NCAPH2: variants seen among roughly 807,000 people sequenced by gnomAD.
NCAPH2 encodes the protein condensin-2 complex subunit H2.
NCAPH2 carries 56 observed loss-of-function variants against 88.6 expected under a neutral mutation model. The observed-to-expected ratio is 0.63, with a 90% CI of 0.51 to 0.79. The LOEUF (loss-of-function observed/expected upper bound fraction) is 0.79. Ranked by LOEUF, NCAPH2 falls within the 30% of genes least tolerant of loss-of-function variation. The pLI is 0.00. For synonymous variants in NCAPH2, 378 were observed against 313.6 expected (o/e 1.21, Z -2.17); for missense variants, 794 against 792.0 (o/e 1.00, Z -0.03).
intron 16 of NCAPH2, 41 bp from the exon 17 acceptor site, chr22:50,522,630 G>A (rs376646705): frequency 1.2e-5 from 19 of 1,613,406 alleles, no homozygotes; most frequent in Admixed American, 5.0e-5. Flanking sequence ...AGGGGAGAGC[G>A]TGGCCCCTTA....
Position 50,517,817 on chromosome 22 carries a change from C to T in NCAPH2, c.420+8C>T. 6.2e-7 allele frequency: 1 copy of T among 1,613,660 alleles called. No individual in the cohort carries two copies. ...AATGATCAGACGCCCAGTGTGAGTCCTGGCCTGGCCCCTCTTAGGCTGGGG... is the reference window on the plus strand; with the variant it reads ...AATGATCAGACGCCCAGTGTGAGTCTTGGCCTGGCCCCTCTTAGGCTGGGG... On this transcript the variant is annotated splice_region_variant and intron_variant, in intron 5 of 19. Coordinates refer to ENST00000420993, the MANE Select transcript of NCAPH2 (RefSeq NM_152299.4).
Position 50,522,364 on chromosome 22 carries a change from C to A in NCAPH2, c.1255C>A (p.Pro419Thr), listed in dbSNP as rs1481953442. Residue 419 changes from proline (P) to threonine (T), a missense_variant, in exon 15 of 20, where the codon CCT becomes ACT. Around this residue, in one of 2 missense-constraint regions of NCAPH2, gnomAD observed 735 missense variants for 696.3 expected, o/e 1.06. Transcript: ENST00000420993. The part of the protein sequence containing the change: ...RREVAEQWLR[P>T]AEEDHLEDSL... ...ACAGGTGGCTGAGCAGTGGCTGCGG[C>A]CTGCAGAGGAGGACCACCTGGAGGA... 6.2e-7 allele frequency: 1 copy of A among 1,606,778 alleles called. No homozygotes were observed. Among genetic ancestry groups the A allele is most frequent in the African/African-American group, 1.3e-5 (1 of 74,940 alleles).
chr22:50,514,087 A>G (rs936875184), intron 1 of NCAPH2, among the ~76,000 whole-genome samples: 5 of 152,158 alleles, frequency 3.3e-5, no homozygotes, highest in Admixed American at 6.5e-5. Flanking sequence ...AGCTTGGGTG[A>G]CAGAGTGAGA....
At position 50,521,816 on chromosome 22, in the gene NCAPH2, T is replaced by C. The variant is rs753995253; in HGVS notation, c.1076T>C (p.Leu359Pro). Residue 359 changes from leucine (L) to proline (P), a missense_variant, in exon 12 of 20, where the codon CTG becomes CCG. This residue lies in a region of NCAPH2 where 735 missense variants were observed against 696.3 expected (regional missense o/e 1.06). Coordinates refer to ENST00000420993, the MANE Select transcript of NCAPH2 (RefSeq NM_152299.4). ...CGCAAGAGGAAGGGCGCTGCCAAGC[T>C]GCAGGACTTCCACCAGTGGTACCTG... ...QKRKRKGAAK[L>P]QDFHQWYLAA... is the part of the protein sequence containing the mutation. 4.9e-5 allele frequency: 79 copies of C among 1,613,832 alleles called. 1 individual carries two copies. In the Admixed American group the frequency reaches 1.1e-3, roughly 22 times the overall value.
chr22:50,508,913 G>C (rs1016190008), intron 1 of NCAPH2, among the ~76,000 whole-genome samples: 1 of 152,126 alleles, frequency 6.6e-6, no homozygotes, highest in African/African-American at 2.4e-5. Context: ...GCCCTGTCTA[G>C]ACCTGTGTTA....
At position 50,523,671 on chromosome 22, in the gene NCAPH2, A is replaced by T. The variant is rs199845793; in HGVS notation, c.*296A>T. On this transcript the variant is annotated 3_prime_UTR_variant, in exon 20 of 20. Coordinates refer to ENST00000420993, the MANE Select transcript of NCAPH2 (RefSeq NM_152299.4). ...GCCGCACACTGTCTGAGATCTGCTCAGCCGATCTGCTCCGGCCGTAGTAAT... is the reference window on the plus strand; with the variant it reads ...GCCGCACACTGTCTGAGATCTGCTCTGCCGATCTGCTCCGGCCGTAGTAAT... The T allele has an allele frequency of 6.2e-7, 1 of 1,613,948 alleles. No individual in the cohort carries two copies. Among genetic ancestry groups the T allele is most frequent in the Non-Finnish European group, 8.5e-7 (1 of 1,180,038 alleles).
rs200523135 is a variant in NCAPH2, at chr22:50,523,185, G to C, written c.1677+19G>C. 6 of 1,613,590 alleles carry C rather than the reference G, an allele frequency of 3.7e-6. No homozygotes were observed. The East Asian group carries it at 6.7e-5, about 18-fold the overall frequency. On this transcript the variant is annotated intron_variant, in intron 19 of 19. Transcript: ENST00000420993. ...GCAGCTGGTGAGTAGCCTGGGATAC[G>C]TGGGAGGGGGAGACGGTCCCCAGAC...
chr22:50,509,104 A>AT (rs111866793), intron 1 of NCAPH2, among the ~76,000 whole-genome samples: 5 of 151,920 alleles, frequency 3.3e-5, no homozygotes, highest in Non-Finnish European at 5.9e-5. Flanking sequence ...TGGTGGTAGG[A>AT]TTTTTTTTCC....
Position 50,517,819 on chromosome 22 carries a change from G to T in NCAPH2, c.420+10G>T. The T allele has an allele frequency of 3.1e-6, 5 of 1,613,658 alleles. No individual in the cohort carries two copies. The highest frequency in any genetic ancestry group is 2.2e-5 in the East Asian group (1 of 44,868). ...TGATCAGACGCCCAGTGTGAGTCCT[G>T]GCCTGGCCCCTCTTAGGCTGGGGTG... On this transcript the variant is annotated intron_variant, in intron 5 of 19. Transcript: ENST00000420993.
At position 50,521,603 on chromosome 22, in the gene NCAPH2, A is replaced by C; in HGVS notation, c.994A>C (p.Lys332Gln). The C allele has an allele frequency of 6.2e-7, 1 of 1,613,594 alleles. No individual in the cohort carries two copies. Among genetic ancestry groups the C allele is most frequent in the South Asian group, 1.1e-5 (1 of 91,080 alleles). ...PFDSLESKPF[K>Q]KGRPYSVPPC... ...TGACTCCTTGGAGTCTAAGCCCTTC[A>C]AGAAAGGTAATTGGGTGGAAGGTAC... The change falls in exon 11 of 20, where the codon AAG becomes CAG. Residue 332 changes from lysine to glutamine, a missense_variant. Lys to Gln is a moderately conservative substitution (Grantham distance 53). Coordinates refer to ENST00000420993, the MANE Select transcript of NCAPH2 (RefSeq NM_152299.4).
At chr22:50,511,452 G>T (rs2148656077) in intron 1 of NCAPH2, among the ~76,000 whole-genome samples, 1 of 143,254 alleles carries the variant, frequency 7.0e-6, no homozygotes, top group East Asian at 2.0e-4. Flanking sequence ...ACCACGCCCG[G>T]CTAATTTTTT....
rs777327176 is a variant in NCAPH2 at position 50,523,709 on chromosome 22, C to T, written c.*334C>T. ...CGGCCGTAGTAATCCGTGAAGAGGC[C>T]GTCAGGGTTGAGCAGGTAGATGGCA... is the stretch of plus-strand genomic sequence containing the variant. On this transcript the variant is annotated 3_prime_UTR_variant, in exon 20 of 20. Coordinates refer to ENST00000420993, the MANE Select transcript of NCAPH2 (RefSeq NM_152299.4). The T allele has an allele frequency of 1.4e-5, 23 of 1,614,062 alleles. No individual in the cohort carries two copies. The highest frequency in any genetic ancestry group is 4.4e-5 in the South Asian group (4 of 91,090).
rs1292023100 is a variant in NCAPH2 at position 50,519,303 on chromosome 22, TC to T, written c.846del (p.Arg283GlyfsTer28). 3 of 1,607,724 alleles carry T rather than the reference TC, an allele frequency of 1.9e-6. No homozygotes were observed. The highest frequency in any genetic ancestry group is 2.5e-6 in the Non-Finnish European group (3 of 1,177,878). On this transcript the variant is annotated frameshift_variant, in exon 9 of 20. Transcript: ENST00000420993. LOFTEE classifies it high-confidence loss of function. ...APKAALEPKE[S>X]RSPQQSAALP... ...CAAGGCCGCTCTGGAGCCCAAGGAG[TC>T]CAGGAGCCCGCAGCAGGTGGGACCC...
In NCAPH2 at chr22:50,517,765, G is replaced by A; in HGVS notation, c.376G>A (p.Asp126Asn). ...GTTCCTGTCGCTGGATGACTTCCCT[G>A]ACTCCCGGACTAACGTGGATCTCAA... ...NEFLSLDDFP[D>N]SRTNVDLKND... is the part of the protein sequence containing the mutation. The change falls in exon 5 of 20, where the codon GAC (aspartate) becomes AAC (asparagine). Residue 126 changes from aspartate (D) to asparagine (N), a missense_variant. Asp to Asn is a conservative substitution (Grantham distance 23). This residue lies in a region of NCAPH2 where 735 missense variants were observed against 696.3 expected (regional missense o/e 1.06). Coordinates refer to ENST00000420993, the MANE Select transcript of NCAPH2 (RefSeq NM_152299.4). The A allele has an allele frequency of 6.2e-7, 1 of 1,613,982 alleles. No homozygotes were observed. Among genetic ancestry groups the A allele is most frequent in the South Asian group, 1.1e-5 (1 of 91,086 alleles).
At chr22:50,521,284 G>C (rs2069082628) in intron 10 of NCAPH2, among the ~76,000 whole-genome samples, 2 of 126,992 alleles carry the variant, frequency 1.6e-5, no homozygotes, top group South Asian at 5.4e-4. Flanking sequence ...TTGTTGCCTG[G>C]GCTTTGGGAA....
At chr22:50,521,472 C>T in intron 10 of NCAPH2, 71 bp from the exon 11 acceptor site, 1 of 1,503,264 alleles carries the variant, frequency 6.7e-7, no homozygotes. Flanking sequence ...GGCTGTGCAT[C>T]CCCTACTCCT....
Position 50,516,451 on chromosome 22 carries a change from A to G in NCAPH2, c.113A>G (p.Asp38Gly), listed in dbSNP as rs2068926153. The G allele has an allele frequency of 2.5e-6, 4 of 1,614,028 alleles. No homozygotes were observed. The highest frequency in any genetic ancestry group is 3.4e-6 in the Non-Finnish European group (4 of 1,179,926). Residue 38 changes from aspartate (D) to glycine (G), a missense_variant, in exon 2 of 20, where the codon GAT (aspartate) becomes GGT (glycine). Transcript: ENST00000420993. ...AQLGEYLEEL[D>G]QICISFDEGK... ...TCTTTGTGTTGTTTCTTGCAGCTGG[A>G]TCAGATCTGCATTTCTTTTGACGAA...
chr22:50,517,919 T>C, intron 5 of NCAPH2, 54 bp from the exon 6 acceptor site: 1 of 1,602,578 alleles, frequency 6.2e-7, no homozygotes, highest in Non-Finnish European at 8.5e-7. Context: ...GTGGGTCCTG[T>C]TCTCCACTGG....
rs2069246229 is a variant in NCAPH2 at position 50,524,546 on chromosome 22, G to C, written c.*1171G>C. On this transcript the variant is annotated 3_prime_UTR_variant, in exon 20 of 20. Transcript: ENST00000420993. ...CCCAGCCCACGTTCAGGCTTAACAG[G>C]CATTTGCAGCTGCTCACCTGAGCTC... 1.2e-6 allele frequency: 1 copy of C among 868,178 alleles called. No individual in the cohort carries two copies. The highest frequency in any genetic ancestry group is 2.0e-5 in the Admixed American group (1 of 50,174). 53.8% of individuals were successfully genotyped at this position (868,178 alleles called of 1,614,324 possible).
Sources: allele counts gnomAD v4.1 joint callset (sites outside exome capture counted in the v4.1 genomes callset), GRCh38; gene constraint gnomAD v4.1.1; regional missense constraint gnomAD v4.1.1; transcripts MANE v1.5; gene names NCBI Gene and HGNC (gene_info 2026-07-23, HGNC 2026-07-21).